KCNAB1: variants seen among roughly 807,000 people sequenced by gnomAD.
KCNAB1 encodes voltage-gated potassium channel subunit beta-1.
A neutral mutation model predicts 64.6 loss-of-function variants in KCNAB1; 35 were observed. The observed-to-expected ratio is 0.54, with a 90% CI of 0.41 to 0.72. KCNAB1 has a LOEUF of 0.72. KCNAB1 is among the 30% of genes least tolerant of loss of function. The probability of loss-of-function intolerance (pLI) is 0.00; values close to 1 mark genes in which losing one functional copy is unlikely to be tolerated. For synonymous variants in KCNAB1, 177 were observed against 183.8 expected (o/e 0.96, Z 0.30); for missense variants, 401 against 512.9 (o/e 0.78, Z 2.11).
intron 1 of KCNAB1, among the ~76,000 whole-genome samples, chr3:156,166,875 G>A (rs900282575): frequency 5.9e-5 from 9 of 152,132 alleles, no homozygotes; most frequent in South Asian, 2.1e-4. Context: ...AACGTTCTGC[G>A]AAGGCTTTTT....
intron 1 of KCNAB1, among the ~76,000 whole-genome samples, chr3:156,260,351 A>G (rs1366996945): frequency 3.3e-5 from 5 of 152,224 alleles, no homozygotes; most frequent in African/African-American, 1.2e-4. Flanking sequence ...TGGAATTGTG[A>G]AACAATAAAC....
chr3:156,310,193 C>T (rs1721796712), intron 1 of KCNAB1, among the ~76,000 whole-genome samples: 1 of 152,146 alleles, frequency 6.6e-6, no homozygotes, highest in African/African-American at 2.4e-5. Flanking sequence ...CTCCCTGCCC[C>T]CAAGCCAAGA....
intron 4 of KCNAB1, among the ~76,000 whole-genome samples, chr3:156,458,009 G>T (rs903059149): frequency 2.6e-5 from 4 of 151,858 alleles, no homozygotes; most frequent in Non-Finnish European, 4.4e-5. Context: ...TCTCACTGTT[G>T]AACTGCCTGT....
At chr3:156,241,880 A>T (rs1369282246) in intron 1 of KCNAB1, among the ~76,000 whole-genome samples, 1 of 152,000 alleles carries the variant, frequency 6.6e-6, no homozygotes, top group Non-Finnish European at 1.5e-5. Context: ...AAATGTCTTT[A>T]TTTTCCCCTT....
At chr3:156,270,831 CAA>C (rs888391286) in intron 1 of KCNAB1, among the ~76,000 whole-genome samples, 1 of 148,024 alleles carries the variant, frequency 6.8e-6, no homozygotes, top group Non-Finnish European at 1.5e-5. Flanking sequence ...TTCATTCAGA[CAA>C]AAAAAAAATT....
intron 1 of KCNAB1, among the ~76,000 whole-genome samples, chr3:156,409,991 G>A (rs1404506070): frequency 1.3e-5 from 2 of 152,180 alleles, no homozygotes; most frequent in Non-Finnish European, 2.9e-5. Context: ...AGCTCTTGAT[G>A]CATCTTAGTA....
At chr3:156,366,305 A>G (rs1725943713) in intron 1 of KCNAB1, among the ~76,000 whole-genome samples, 2 of 152,210 alleles carry the variant, frequency 1.3e-5, no homozygotes, top group African/African-American at 2.4e-5. Context: ...GTGCTAGAAA[A>G]TAGTGAAGCA....
At chr3:156,475,087 C>T (rs1403283288) in intron 8 of KCNAB1, among the ~76,000 whole-genome samples, 1 of 152,200 alleles carries the variant, frequency 6.6e-6, no homozygotes, top group African/African-American at 2.4e-5. Flanking sequence ...GTTCATTTCA[C>T]TTTTGTGATT....
chr3:156,500,123 A>C (rs1479731482), intron 8 of KCNAB1, among the ~76,000 whole-genome samples: 1 of 152,178 alleles, frequency 6.6e-6, no homozygotes, highest in African/African-American at 2.4e-5. Flanking sequence ...TCATTGGTTT[A>C]TGTGACAGGA....
At chr3:156,315,390 G>T (rs1170792348) in intron 1 of KCNAB1, among the ~76,000 whole-genome samples, 1 of 152,174 alleles carries the variant, frequency 6.6e-6, no homozygotes, top group Non-Finnish European at 1.5e-5. Context: ...AACCGCTGAG[G>T]TTCTTTGGGA....
intron 1 of KCNAB1, among the ~76,000 whole-genome samples, chr3:156,128,639 G>T (rs908170325): frequency 4.6e-5 from 7 of 152,274 alleles, no homozygotes; most frequent in Admixed American, 1.3e-4. Context: ...AAGGCGATGT[G>T]CCTGATCATC....
intron 1 of KCNAB1, among the ~76,000 whole-genome samples, chr3:156,386,811 G>A (rs902174321): frequency 9.2e-5 from 14 of 152,128 alleles, no homozygotes; most frequent in African/African-American, 3.4e-4. Context: ...TCCCTTACCT[G>A]ATAATGGTGA....
At chr3:156,464,043 T>C (rs374559150) in intron 6 of KCNAB1, among the ~76,000 whole-genome samples, 23 of 152,232 alleles carry the variant, frequency 1.5e-4, no homozygotes, top group African/African-American at 5.3e-4. Flanking sequence ...AGAGTTCAAA[T>C]TTGAGGAAAG....
intron 8 of KCNAB1, among the ~76,000 whole-genome samples, chr3:156,507,367 C>T (rs146813370): frequency 1.1e-3 from 165 of 152,312 alleles, no homozygotes; most frequent in African/African-American, 3.8e-3. Flanking sequence ...AAAACAATGT[C>T]TCCTGCATCC....
Position 156,452,587 on chromosome 3 carries a change from C to T in KCNAB1, c.320-312C>T, listed in dbSNP as rs930446271. ...TGGGAGCAAGAATGGATCTTGTACA[C>T]TAGCATCCATGGTCCAATAGCAGAA... On this transcript the variant is annotated intron_variant, in intron 2 of 13. Transcript: ENST00000490337. The surrounding 1 kb of genome is among the most constrained non-coding windows in gnomAD (Gnocchi z 4.6). Among the ~76,000 whole-genome samples the T allele has an allele frequency of 6.6e-6, 1 of 152,192 alleles. No individual in the cohort carries two copies. The highest frequency in any genetic ancestry group is 2.4e-5 in the African/African-American group (1 of 41,438).
intron 1 of KCNAB1, among the ~76,000 whole-genome samples, chr3:156,126,083 G>A: frequency 6.6e-6 from 1 of 152,140 alleles, no homozygotes; most frequent in East Asian, 1.9e-4. Flanking sequence ...AGGAGGAGAT[G>A]GGGAGGGGAA....
intron 1 of KCNAB1, among the ~76,000 whole-genome samples, chr3:156,172,968 C>A (rs558073128): frequency 1.3e-5 from 2 of 152,320 alleles, no homozygotes; most frequent in South Asian, 4.1e-4. Flanking sequence ...CTTTCAGAAG[C>A]TAGTGTGGGT....
rs1053698858 is a variant in KCNAB1 at position 156,321,581 on chromosome 3, A to G, written c.276-100035A>G. ...TCCCTTATGCTTCCAGTTTTTCTTT[A>G]CAAGAATATACATTTCAGAACAAAG... is the stretch of plus-strand genomic sequence containing the variant. On this transcript the variant is annotated intron_variant, in intron 1 of 13. Coordinates refer to ENST00000490337, the MANE Select transcript of KCNAB1 (RefSeq NM_172160.3). Among the ~76,000 whole-genome samples, 3 of 152,262 alleles carry G rather than the reference A, an allele frequency of 2.0e-5. No individual in the cohort carries two copies. The South Asian group carries it at 6.2e-4, about 32-fold the overall frequency.
At chr3:156,138,819 A>G (rs2108275469) in intron 1 of KCNAB1, among the ~76,000 whole-genome samples, 1 of 152,274 alleles carries the variant, frequency 6.6e-6, no homozygotes, top group African/African-American at 2.4e-5. Flanking sequence ...AGGTCACACT[A>G]TTGTTTATGA....
Sources: allele counts gnomAD v4.1 joint callset (sites outside exome capture counted in the v4.1 genomes callset), GRCh38; gene constraint gnomAD v4.1.1; non-coding constraint Gnocchi (gnomAD v3.1); transcripts MANE v1.5; gene names NCBI Gene and HGNC (gene_info 2026-07-23, HGNC 2026-07-21).